ZNF432: variants seen among roughly 807,000 people sequenced by gnomAD.
The protein encoded by ZNF432 is zinc finger protein 432.
ZNF432 carries 10 observed loss-of-function variants against 13.9 expected under a neutral mutation model. The ratio of observed to expected loss-of-function variants is 0.72; its 90% confidence interval spans 0.44 to 1.22. The LOEUF (loss-of-function observed/expected upper bound fraction) is 1.22, where lower values mean the gene tolerates loss of function less well. Among genes scored for constraint, ZNF432 ranks in the 50% most tolerant of loss-of-function variants. The pLI is 0.00. For missense variants in ZNF432, 793 were observed against 796.2 expected (o/e 1.00, Z 0.05); for synonymous variants, 247 against 256.2 (o/e 0.96, Z 0.34).
intron 2 of ZNF432, among the ~76,000 whole-genome samples, chr19:52,043,474 G>A (rs1052374913): frequency 4.6e-5 from 7 of 152,146 alleles, no homozygotes; most frequent in African/African-American, 1.7e-4. Flanking sequence ...ATTGTCCAAG[G>A]TTTCTCCCCA....
In ZNF432 at chr19:52,048,128, AACACACACACACACACAC is replaced by A. The variant is rs3138637; in HGVS notation, c.-193+549_-193+566del. ...TCTGTTCCAGCCAAAGTTTGAGCTCAACACACACACACACACACACACACACACACACACACACACACA... is the reference window on the plus strand; with the variant it reads ...TCTGTTCCAGCCAAAGTTTGAGCTCAACACACACACACACACACACACACA... On this transcript the variant is annotated intron_variant, in intron 1 of 4. Coordinates refer to ENST00000221315, the MANE Select transcript of ZNF432 (RefSeq NM_014650.4). Among the ~76,000 whole-genome samples, 695 of 103,420 alleles carry A rather than the reference AACACACACACACACACAC, an allele frequency of 6.7e-3. 5 individuals are homozygous for A. Among genetic ancestry groups the A allele is most frequent in the African/African-American group, 0.019 (579 of 30,232 alleles). The allele number at this position is 103,420 out of a possible 152,430, so 67.8% of individuals were successfully genotyped here.
chr19:52,035,163 T>A lies in ZNF432; in HGVS notation c.516A>T (p.Glu172Asp), dbSNP rs573347153. ...GKSFLHGNYEELYSAAKFSVS... is the reference protein window; with the variant it reads ...GKSFLHGNYEDLYSAAKFSVS... ...CAGAGAATTTAGCTGCAGAATAAAG[T>A]TCTTCATAGTTACCATGAAGAAATG... Residue 172 changes from glutamate to aspartate, a missense_variant, in exon 5 of 5, where the codon GAA becomes GAT. Transcript: ENST00000221315. 6.8e-5 allele frequency: 110 copies of A among 1,613,860 alleles called. 1 individual carries two copies. In the South Asian group the frequency reaches 1.1e-3, roughly 17 times the overall value.
At chr19:52,039,056 C>G (rs1445362421) in intron 4 of ZNF432, among the ~76,000 whole-genome samples, 1 of 152,234 alleles carries the variant, frequency 6.6e-6, no homozygotes, top group Admixed American at 6.5e-5. Flanking sequence ...CTAATCAAAA[C>G]TCTGGCCACC....
intron 2 of ZNF432, among the ~76,000 whole-genome samples, chr19:52,042,981 T>C (rs2087149594): frequency 6.6e-6 from 1 of 152,204 alleles, no homozygotes; most frequent in African/African-American, 2.4e-5. Flanking sequence ...CTGTGGCAAT[T>C]GGCAAATTGT....
At chr19:52,045,262 G>C (rs1420267757) in intron 2 of ZNF432, among the ~76,000 whole-genome samples, 1 of 151,808 alleles carries the variant, frequency 6.6e-6, no homozygotes, top group Non-Finnish European at 1.5e-5. Context: ...TTCAGTGACA[G>C]CAAGTATGTG....
At chr19:52,041,718 T>C (rs1341479808) in intron 2 of ZNF432, 112 bp from the exon 3 acceptor site, 2 of 1,234,888 alleles carry the variant, frequency 1.6e-6, no homozygotes. Flanking sequence ...TGCATCCATC[T>C]ATAAGTCTAT....
chr19:52,033,167 A>ATAT lies in ZNF432; in HGVS notation c.*552_*553insATA, dbSNP rs1226936559. On this transcript the variant is annotated 3_prime_UTR_variant, in exon 5 of 5. Coordinates refer to ENST00000221315, the MANE Select transcript of ZNF432 (RefSeq NM_014650.4). ...TTTCCTACATGTTTATTGTGACATAAAATATGAGGTAATTAATCACCGAAG... is the reference window on the plus strand; with the variant it reads ...TTTCCTACATGTTTATTGTGACATAATATAATATGAGGTAATTAATCACCGAAG... The ATAT allele has an allele frequency of 2.6e-5, 4 of 152,460 alleles. No individual in the cohort carries two copies. The highest frequency in any genetic ancestry group is 9.6e-5 in the African/African-American group (4 of 41,464). 9.4% of individuals were successfully genotyped at this position (152,460 alleles called of 1,614,324 possible).
At position 52,033,976 on chromosome 19, in the gene ZNF432, G is replaced by A. The variant is rs990172462; in HGVS notation, c.1703C>T (p.Ser568Phe). 6.2e-7 allele frequency: 1 copy of A among 1,613,944 alleles called. No individual in the cohort carries two copies. Among genetic ancestry groups the A allele is most frequent in the African/African-American group, 1.3e-5 (1 of 74,902 alleles). Reference sequence around the variant, plus strand: ...TCTTCCACATTCACTACATATACAAGATTTCTCTTCTGTATGAATTTGCTG... The same window carrying A: ...TCTTCCACATTCACTACATATACAAAATTTCTCTTCTGTATGAATTTGCTG... Reference protein sequence around the residue: ...VHQQIHTEEKSCICSECGRGF... With the variant: ...VHQQIHTEEKFCICSECGRGF... The change falls in exon 5 of 5, where the codon TCT (serine) becomes TTT (phenylalanine). Residue 568 changes from serine (S) to phenylalanine (F), a missense_variant. Ser to Phe is a radical substitution (Grantham distance 155). Transcript: ENST00000221315.
chr19:52,045,669 T>C (rs1388142599), intron 2 of ZNF432, among the ~76,000 whole-genome samples: 1 of 151,090 alleles, frequency 6.6e-6, no homozygotes, highest in Non-Finnish European at 1.5e-5. Flanking sequence ...AATTTACTTT[T>C]TTAACCAGTG....
At chr19:52,041,674 G>A in intron 2 of ZNF432, 68 bp from the exon 3 acceptor site, 1 of 1,602,892 alleles carries the variant, frequency 6.2e-7, no homozygotes, top group Admixed American at 1.7e-5. Context: ...AGAAAGTGAA[G>A]GGAAGTTGTC....
rs1323945688 is a variant in ZNF432 at position 52,034,455 on chromosome 19, T to C, written c.1224A>G (p.Lys408=). 2 of 1,613,962 alleles carry C rather than the reference T, an allele frequency of 1.2e-6. No homozygotes were observed. The highest frequency in any genetic ancestry group is 1.1e-5 in the South Asian group (1 of 91,050). Reference sequence around the variant, plus strand: ...TAAGATTACTCTTCCTGGGAAAGCCTTTTCCACATTCACTGCATATGTAGG... The same window carrying C: ...TAAGATTACTCTTCCTGGGAAAGCCCTTTCCACATTCACTGCATATGTAGG... ...EKPYICSECG[K]GFPRKSNLIV... Residue 408 remains lysine (K), a synonymous_variant, in exon 5 of 5, where the codon AAA becomes AAG. Coordinates refer to ENST00000221315, the MANE Select transcript of ZNF432 (RefSeq NM_014650.4).
At chr19:52,040,166 A>G (rs949586946) in intron 4 of ZNF432, among the ~76,000 whole-genome samples, 2 of 152,260 alleles carry the variant, frequency 1.3e-5, no homozygotes, top group South Asian at 2.1e-4. Context: ...TGAGACAGAC[A>G]TAAGTTATGA....
rs1428799425 is a variant in ZNF432 at position 52,034,715 on chromosome 19, A to G, written c.964T>C (p.Cys322Arg). Reference protein sequence around the residue: ...TGEKSYICSECGKGFTGKSML... With the variant: ...TGEKSYICSERGKGFTGKSML... ...CTCTTCCCAGTGAAGCCTTTTCCAC[A>G]TTCACTACATATATAGGATTTCTCT... Residue 322 changes from cysteine (C) to arginine (R), a missense_variant, in exon 5 of 5, where the codon TGT (cysteine) becomes CGT (arginine). Physicochemically the swap from Cys to Arg is radical, Grantham distance 180. Transcript: ENST00000221315. The G allele has an allele frequency of 2.5e-6, 4 of 1,613,952 alleles. No individual in the cohort carries two copies. Among genetic ancestry groups the G allele is most frequent in the Non-Finnish European group, 3.4e-6 (4 of 1,179,968 alleles).
rs542896420 is a variant in ZNF432, at chr19:52,033,192, G to A, written c.*528C>T. The A allele has an allele frequency of 6.6e-6, 1 of 152,664 alleles. No individual in the cohort carries two copies. Among genetic ancestry groups the A allele is most frequent in the Non-Finnish European group, 1.5e-5 (1 of 68,336 alleles). 9.5% of individuals were successfully genotyped at this position (152,664 alleles called of 1,614,324 possible). ...AAATATGAGGTAATTAATCACCGAA[G>A]GCACTAGTGCATTCTCTGCATTCAT... is the stretch of plus-strand genomic sequence containing the variant. On this transcript the variant is annotated 3_prime_UTR_variant, in exon 5 of 5. Coordinates refer to ENST00000221315, the MANE Select transcript of ZNF432 (RefSeq NM_014650.4).
At chr19:52,035,543 T>G in intron 4 of ZNF432, 103 bp from the exon 5 acceptor site, 1 of 1,002,828 alleles carries the variant, frequency 1.0e-6, no homozygotes, top group Non-Finnish European at 1.4e-6. Flanking sequence ...TTATTATTAT[T>G]ATTTTTTGAG....
chr19:52,035,719 G>C (rs1213387642), intron 4 of ZNF432, among the ~76,000 whole-genome samples: 1 of 152,058 alleles, frequency 6.6e-6, no homozygotes, highest in East Asian at 1.9e-4. Flanking sequence ...TTTTAGTAGA[G>C]ACAGGGTTTC....
chr19:52,045,582 C>T (rs1368374211), intron 2 of ZNF432, among the ~76,000 whole-genome samples: 3 of 151,206 alleles, frequency 2.0e-5, no homozygotes, highest in African/African-American at 7.3e-5. Context: ...TCTTGAACTC[C>T]CGACCTCAGG....
Position 52,032,846 on chromosome 19 carries a change from A to G in ZNF432, c.*874T>C, listed in dbSNP as rs765194903. ...TATGAAGTAATGATGATGAGGCAGC[A>G]TGTATCACTGAAATCCTCGTGTATT... On this transcript the variant is annotated 3_prime_UTR_variant, in exon 5 of 5. Coordinates refer to ENST00000221315, the MANE Select transcript of ZNF432 (RefSeq NM_014650.4). 2.0e-5 allele frequency: 3 copies of G among 152,238 alleles called. No individual in the cohort carries two copies. Among genetic ancestry groups the G allele is most frequent in the Non-Finnish European group, 4.4e-5 (3 of 68,038 alleles). 9.4% of individuals were successfully genotyped at this position (152,238 alleles called of 1,614,324 possible). A position where few individuals can be genotyped will look rare whatever the true frequency, so the allele number is the denominator to read the frequency against.
In ZNF432 at chr19:52,033,775, GAGA is replaced by G; in HGVS notation, c.1901_1903del (p.Phe634del). On this transcript the variant is annotated inframe_deletion, in exon 5 of 5. Transcript: ENST00000221315. ...ATGTACAATGAGATTTCTCTTTGAG[GAGA>G]AGGCTTTTCTACATTCACTGCATAC... The G allele has an allele frequency of 3.7e-6, 6 of 1,607,836 alleles. No individual in the cohort carries two copies. Among genetic ancestry groups the G allele is most frequent in the Non-Finnish European group, 4.2e-6 (5 of 1,178,136 alleles).
Sources: gnomAD v4.1 joint callset for allele counts (sites outside exome capture counted in the v4.1 genomes callset) on GRCh38, gnomAD v4.1.1 for gene constraint, MANE v1.5 for transcripts, NCBI Gene and HGNC (gene_info 2026-07-23, HGNC 2026-07-21) for gene names.